Variants in UBR4 observed in about 807,000 individuals in gnomAD.
The protein encoded by UBR4 is ubiquitin protein ligase E3 component n-recognin 4.
A neutral mutation model predicts 575.6 loss-of-function variants in UBR4; 124 were observed. The observed-to-expected ratio is 0.22, with a 90% CI of 0.19 to 0.25. The LOEUF (loss-of-function observed/expected upper bound fraction) is 0.25, where lower values mean the gene tolerates loss of function less well. Among genes scored for constraint, UBR4 ranks in the 10% least tolerant of loss-of-function variants. The probability of loss-of-function intolerance (pLI) is 1.00; values close to 1 mark genes in which losing one functional copy is unlikely to be tolerated. For missense variants in UBR4, 4,818 were observed against 6,478.8 expected, an observed-to-expected ratio of 0.74 and a Z score of 8.80; for synonymous variants, 2,455 against 2,473.7, an observed-to-expected ratio of 0.99 and a Z score of 0.22.
At chr1:19,133,437 A>G (rs2082772158) in intron 60 of UBR4, among the ~76,000 whole-genome samples, 8 of 152,224 alleles carry the variant, frequency 5.3e-5, no homozygotes, top group Admixed American at 5.2e-4. Context: ...CTAACATCAT[A>G]CTTAATGAGA....
intron 105 of UBR4, chr1:19,075,124 T>C (rs1402806867): frequency 8.7e-6 from 5 of 575,404 alleles, no homozygotes; most frequent in East Asian, 3.0e-5. Context: ...GTTTTTGTTC[T>C]CACATTTGAA....
At chr1:19,095,323 C>T (rs1029675302) in intron 93 of UBR4, among the ~76,000 whole-genome samples, 12 of 152,118 alleles carry the variant, frequency 7.9e-5, no homozygotes, top group Non-Finnish European at 1.6e-4. Context: ...AGGAAAGGAG[C>T]AAGGAAGCTC....
At chr1:19,144,150 TAA>T (rs762249188) in intron 54 of UBR4, 59 bp from the exon 55 acceptor site, 4 of 1,490,036 alleles carry the variant, frequency 2.7e-6, no homozygotes, top group Non-Finnish European at 3.7e-6. Context: ...AAACTCTCTA[TAA>T]AACACTTTCC....
rs754967341 is a variant in UBR4 at position 19,162,404 on chromosome 1, G to T, written c.4956+16C>A. ...ATTACCTTGAGAGGTTAACTTCGAG[G>T]TTACTTAGTACTTACTGAATCCTCA... On this transcript the variant is annotated intron_variant, in intron 35 of 105. Coordinates refer to ENST00000375254, the MANE Select transcript of UBR4 (RefSeq NM_020765.3). The T allele has an allele frequency of 6.2e-7, 1 of 1,604,598 alleles. No homozygotes were observed. The highest frequency in any genetic ancestry group is 8.5e-7 in the Non-Finnish European group (1 of 1,175,490).
Position 19,094,004 on chromosome 1 carries a change from C to T in UBR4, c.13882G>A (p.Val4628Met). The T allele has an allele frequency of 6.2e-7, 1 of 1,614,148 alleles. No homozygotes were observed. The highest frequency in any genetic ancestry group is 8.5e-7 in the Non-Finnish European group (1 of 1,180,014). Residue 4628 changes from valine (V) to methionine (M), a missense_variant, in exon 95 of 106, where the codon GTG (valine) becomes ATG (methionine). This residue lies in a region of UBR4 where 165 missense variants were observed against 282.3 expected (regional missense o/e 0.58). Transcript: ENST00000375254. ...RIIPYLSFGE[V>M]EKMQILVERF... ...TCCACCAAGATCTGCATTTTCTCCACCTCTCCAAAGGAAAGGTACGGGATG... is the reference window on the plus strand; with the variant it reads ...TCCACCAAGATCTGCATTTTCTCCATCTCTCCAAAGGAAAGGTACGGGATG...
At chr1:19,195,288 A>AATAATAATG (rs1400122437) in intron 8 of UBR4, among the ~76,000 whole-genome samples, 3 of 148,542 alleles carry the variant, frequency 2.0e-5, no homozygotes. Context: ...TAATAATAAT[A>AATAATAATG]ATAGTAAAAT....
chr1:19,162,236 C>G (rs371183211), intron 35 of UBR4, among the ~76,000 whole-genome samples, 184 bp downstream of exon 35: 16 of 152,304 alleles, frequency 1.1e-4, no homozygotes, highest in Middle Eastern at 3.4e-3. Flanking sequence ...ATGAAAAAGT[C>G]CTTTCCACAA....
At chr1:19,097,665 A>C (rs2078194508) in intron 90 of UBR4, among the ~76,000 whole-genome samples, 1 of 152,226 alleles carries the variant, frequency 6.6e-6, no homozygotes. Flanking sequence ...CCAAGCTATA[A>C]GCGGAGGTCT....
intron 5 of UBR4, 60 bp downstream of exon 5, chr1:19,198,481 C>A (rs2092585677): frequency 3.8e-6 from 6 of 1,564,960 alleles, no homozygotes; most frequent in African/African-American, 2.7e-5. Flanking sequence ...TTTTTCTCCC[C>A]TAGTGTTATC....
intron 39 of UBR4, among the ~76,000 whole-genome samples, chr1:19,159,147 A>G (rs1421449865): frequency 6.6e-6 from 1 of 152,174 alleles, no homozygotes; most frequent in Non-Finnish European, 1.5e-5. Flanking sequence ...CTCCATCTCC[A>G]AAAAAGAAAG....
intron 49 of UBR4, chr1:19,149,774 G>A (rs1459940328): frequency 7.7e-7 from 1 of 1,301,602 alleles, no homozygotes; most frequent in South Asian, 1.2e-5. Flanking sequence ...GGTCCAGCTT[G>A]GTTAGGGACT....
In UBR4 at chr1:19,144,638, A is replaced by G; in HGVS notation, c.8067+148T>C. ...CCAAATCTTTCTCTTCCATGGAGTA[A>G]GATCTTAAAGCTTTTATTGATATTT... On this transcript the variant is annotated intron_variant, in intron 54 of 105. Transcript: ENST00000375254. 5 of 1,164,008 alleles carry G rather than the reference A, an allele frequency of 4.3e-6. No homozygotes were observed. The South Asian group carries it at 8.6e-5, about 20-fold the overall frequency. 72.1% of individuals were successfully genotyped at this position (1,164,008 alleles called of 1,614,324 possible).
chr1:19,132,175 T>C (rs12120532), intron 60 of UBR4, among the ~76,000 whole-genome samples: 12,848 of 152,038 alleles, frequency 0.085, 650 homozygotes, highest in Non-Finnish European at 0.12. Flanking sequence ...GCTTCAAATA[T>C]GGTTTTTTGT....
chr1:19,165,220 TA>T (rs1557865651), intron 31 of UBR4, 28 bp downstream of exon 31: 1 of 1,593,824 alleles, frequency 6.3e-7, no homozygotes, highest in Admixed American at 1.7e-5. Flanking sequence ...AAAGTTCCCA[TA>T]AGAAGATTAC....
In UBR4 at chr1:19,210,240, C is replaced by A. The variant is rs1046085325; in HGVS notation, c.9G>T (p.Thr3=). ...CTGCCGCCGCCTCTTCGCCGCCGCT[C>A]GTCGCCATCTTCCGTCGTACTACTG... is the stretch of plus-strand genomic sequence containing the variant. The part of the protein sequence containing the change: MA[T]SGGEEAAAAA... Residue 3 remains threonine (T), a synonymous_variant, in exon 1 of 106, where the codon ACG becomes ACT. Transcript: ENST00000375254. The A allele has an allele frequency of 2.1e-6, 3 of 1,433,924 alleles. No individual in the cohort carries two copies. The highest frequency in any genetic ancestry group is 2.8e-5 in the East Asian group (1 of 35,182). The allele number at this position is 1,433,924 out of a possible 1,614,324, so 88.8% of individuals were successfully genotyped here. A position where few individuals can be genotyped will look rare whatever the true frequency, so the allele number is the denominator to read the frequency against.
chr1:19,134,997 T>G (rs1019360934), intron 60 of UBR4, among the ~76,000 whole-genome samples: 2 of 152,162 alleles, frequency 1.3e-5, no homozygotes, highest in Non-Finnish European at 2.9e-5. Flanking sequence ...TCCTATTCAA[T>G]AAATCTTTGC....
chr1:19,076,601 A>T, intron 105 of UBR4, 139 bp downstream of exon 105: 1 of 1,161,176 alleles, frequency 8.6e-7, no homozygotes, highest in Non-Finnish European at 1.3e-6. Context: ...CATCTTTCCC[A>T]GGGCTTTCAG....
chr1:19,163,162 C>T (rs1280885885), intron 34 of UBR4, among the ~76,000 whole-genome samples: 2 of 152,186 alleles, frequency 1.3e-5, no homozygotes, highest in Admixed American at 6.5e-5. Flanking sequence ...TTGCTCTGCA[C>T]TCTGACATGT....
rs1312706860 is a variant in UBR4 at position 19,088,041 on chromosome 1, G to C, written c.14431-112C>G. On this transcript the variant is annotated intron_variant, in intron 98 of 105. Coordinates refer to ENST00000375254, the MANE Select transcript of UBR4 (RefSeq NM_020765.3). This position sits in a 1 kb window ranked among gnomAD's most constrained non-coding sequence, Gnocchi z 4.0. The stretch of plus-strand genomic sequence containing the variant: ...CCTTCTACCTCCACTAAAAGGACAG[G>C]TGCATGAGAGGAAAGCCCTTGAGCT... The C allele has an allele frequency of 1.3e-6, 1 of 764,134 alleles. No homozygotes were observed. The highest frequency in any genetic ancestry group is 1.7e-5 in the African/African-American group (1 of 57,700). The allele number at this position is 764,134 out of a possible 1,614,324, so 47.3% of individuals were successfully genotyped here. A position where few individuals can be genotyped will look rare whatever the true frequency, so the allele number is the denominator to read the frequency against.
Sources: gnomAD v4.1 joint callset for allele counts (sites outside exome capture counted in the v4.1 genomes callset) on GRCh38, gnomAD v4.1.1 for gene constraint, gnomAD v4.1.1 regional missense constraint, Gnocchi (gnomAD v3.1) non-coding constraint, MANE v1.5 for transcripts, NCBI Gene and HGNC (gene_info 2026-07-23, HGNC 2026-07-21) for gene names.